Variants in FAAH2 observed in about 807,000 individuals in gnomAD.
FAAH2 encodes the protein fatty acid amide hydrolase 2.
FAAH2 carries 60 observed loss-of-function variants against 36.9 expected under a neutral mutation model. The observed-to-expected ratio is 1.63, with a 90% confidence interval of 1.32 to 2.02. FAAH2 has a LOEUF of 2.02. Ranked by LOEUF, FAAH2 falls within the 30% of genes most tolerant of loss-of-function variation. The pLI, the probability that FAAH2 is intolerant of heterozygous loss-of-function variation, is 0.00. For synonymous variants in FAAH2, 214 were observed against 143.8 expected (o/e 1.49, Z -3.49); for missense variants, 689 against 397.5 (o/e 1.73, Z -6.23).
the FAAH2 span, among the ~76,000 whole-genome samples, chrX:57,249,153 G>T: frequency 9.0e-6 from 1 of 111,588 alleles, no homozygotes; most frequent in Non-Finnish European, 1.9e-5. Context: ...TGGAGCCAAA[G>T]AATGTTTTTT....
the FAAH2 span, among the ~76,000 whole-genome samples, chrX:57,247,109 C>T: frequency 9.0e-6 from 1 of 111,060 alleles, no homozygotes; most frequent in Non-Finnish European, 1.9e-5. Flanking sequence ...ATATAGCAGG[C>T]CATGCTTGAC....
the FAAH2 span, among the ~76,000 whole-genome samples, chrX:57,122,449 G>T: frequency 8.9e-6 from 1 of 111,732 alleles, no homozygotes; most frequent in Non-Finnish European, 1.9e-5. Flanking sequence ...CCAGTAATCA[G>T]ATCTATGTAT....
the FAAH2 span, among the ~76,000 whole-genome samples, chrX:57,170,849 C>A: frequency 9.3e-6 from 1 of 107,919 alleles, no homozygotes; most frequent in African/African-American, 3.5e-5. Flanking sequence ...GGATTACAGG[C>A]GCTCGCCACC....
At chrX:57,387,927 G>A (rs1349848999) in intron 7 of FAAH2, among the ~76,000 whole-genome samples, 1 of 111,021 alleles carries the variant, frequency 9.0e-6, no homozygotes, top group Non-Finnish European at 1.9e-5. Context: ...ATTGGAGGTG[G>A]GGTAAGGATG....
chrX:57,332,540 A>T (rs1462213093), intron 4 of FAAH2, among the ~76,000 whole-genome samples: 2 of 112,361 alleles, frequency 1.8e-5, no homozygotes, highest in African/African-American at 6.5e-5. Flanking sequence ...TTGCTAGAAC[A>T]AAAGCCTAGG....
chrX:57,405,653 G>A (rs748774110), intron 7 of FAAH2, among the ~76,000 whole-genome samples: 20 of 104,587 alleles, frequency 1.9e-4, no homozygotes, highest in Non-Finnish European at 3.1e-4. Flanking sequence ...AAGGGGGGTT[G>A]CCCCATTTTT....
At chrX:57,418,518 T>A (rs925819399) in intron 7 of FAAH2, among the ~76,000 whole-genome samples, 1 of 110,253 alleles carries the variant, frequency 9.1e-6, no homozygotes, top group African/African-American at 3.3e-5. Flanking sequence ...CCAGGTGAGG[T>A]GACACCCCAC....
the FAAH2 span, among the ~76,000 whole-genome samples, chrX:57,125,781 A>T: frequency 8.9e-6 from 1 of 112,235 alleles, no homozygotes; most frequent in Non-Finnish European, 1.9e-5. Context: ...ATTTTTTATT[A>T]TAAAATGCAT....
intron 3 of FAAH2, among the ~76,000 whole-genome samples, chrX:57,325,164 C>T (rs768277896): frequency 5.0e-4 from 56 of 112,186 alleles, no homozygotes; most frequent in African/African-American, 1.7e-3. Flanking sequence ...TATGTTGAAG[C>T]AGCCTTGCAT....
At chrX:57,272,855 C>T in the FAAH2 span, among the ~76,000 whole-genome samples, 3 of 111,905 alleles carry the variant, frequency 2.7e-5, no homozygotes, top group Non-Finnish European at 3.8e-5. Flanking sequence ...AACTAACCAA[C>T]ATCCAGCAAA....
chrX:57,124,646 T>G, the FAAH2 span, among the ~76,000 whole-genome samples: 1 of 111,869 alleles, frequency 8.9e-6, no homozygotes, highest in Non-Finnish European at 1.9e-5. Context: ...GCATGGAATG[T>G]TCTTCCATTT....
At chrX:57,162,208 T>C in the FAAH2 span, among the ~76,000 whole-genome samples, 1 of 112,276 alleles carries the variant, frequency 8.9e-6, no homozygotes, top group African/African-American at 3.2e-5. Flanking sequence ...TTCTGGTTTG[T>C]AGGGTTTCTG....
chrX:57,443,203 T>A (rs1310563919), intron 8 of FAAH2, among the ~76,000 whole-genome samples: 1 of 111,885 alleles, frequency 8.9e-6, no homozygotes, highest in Non-Finnish European at 1.9e-5. Flanking sequence ...TCCTGAAGAG[T>A]GTTTTCCAAC....
intron 6 of FAAH2, among the ~76,000 whole-genome samples, chrX:57,379,236 G>A (rs904425620): frequency 9.9e-5 from 11 of 110,593 alleles, no homozygotes; most frequent in Non-Finnish European, 1.9e-4. Context: ...CATTTCCAGC[G>A]AAACTCTGAT....
chrX:57,301,844 T>C (rs1040342248), intron 2 of FAAH2, among the ~76,000 whole-genome samples: 5 of 111,615 alleles, frequency 4.5e-5, no homozygotes, highest in Non-Finnish European at 9.4e-5. Flanking sequence ...GTGTAGAACA[T>C]GATCTGAGAT....
intron 3 of FAAH2, among the ~76,000 whole-genome samples, chrX:57,322,176 G>C (rs1233836937): frequency 9.0e-6 from 1 of 111,410 alleles, no homozygotes; most frequent in African/African-American, 3.3e-5. Flanking sequence ...CTAATTTTTT[G>C]TATTTTTAGT....
At chrX:57,328,281 G>A (rs186387686) in intron 3 of FAAH2, among the ~76,000 whole-genome samples, 11 of 111,644 alleles carry the variant, frequency 9.9e-5, no homozygotes, top group African/African-American at 3.3e-4. Context: ...GGGTACTCGG[G>A]GGTCAGGACC....
chrX:57,126,129 T>C, the FAAH2 span, among the ~76,000 whole-genome samples: 2 of 112,549 alleles, frequency 1.8e-5, no homozygotes, highest in African/African-American at 6.4e-5. Context: ...ACTAATCTGT[T>C]GTCTAAAAAG....
intron 5 of FAAH2, among the ~76,000 whole-genome samples, chrX:57,348,673 A>G (rs746687461): frequency 8.9e-6 from 1 of 111,742 alleles, no homozygotes; most frequent in East Asian, 2.9e-4. Context: ...AGGAAACCGC[A>G]GATAGCTCTT....
Sources: allele counts gnomAD v4.1 joint callset (sites outside exome capture counted in the v4.1 genomes callset), GRCh38; gene constraint gnomAD v4.1.1; transcripts MANE v1.5; gene names NCBI Gene and HGNC (gene_info 2026-07-23, HGNC 2026-07-21).